The following CASKIN2 variants were observed in gnomAD, a reference collection of about 807,000 sequenced individuals.
The protein encoded by CASKIN2 is caskin-2.
In CASKIN2, 41 loss-of-function variants were observed where a neutral mutation model predicts 107.1. The ratio of observed to expected loss-of-function variants is 0.38; its 90% CI spans 0.30 to 0.50. CASKIN2 has a LOEUF of 0.50. Ranked by LOEUF, CASKIN2 falls within the 20% of genes least tolerant of loss-of-function variation. The pLI is 0.92. For synonymous variants in CASKIN2, 724 were observed against 705.6 expected (o/e 1.03, Z -0.41); for missense variants, 1,546 against 1,657.4 (o/e 0.93, Z 1.17).
intron 2 of CASKIN2, among the ~76,000 whole-genome samples, chr17:75,509,141 G>A (rs1263355858): frequency 1.3e-5 from 2 of 152,254 alleles, no homozygotes; most frequent in Non-Finnish European, 2.9e-5. Context: ...GTGGCAAGAG[G>A]AGCTGGGGCC....
At chr17:75,507,807 C>G (rs560578627) in intron 3 of CASKIN2, 126 bp from the exon 4 acceptor site, 2 of 704,708 alleles carry the variant, frequency 2.8e-6, no homozygotes, top group Admixed American at 2.3e-5. Flanking sequence ...CCAACCCCAG[C>G]AGCCCTGCCG....
intron 19 of CASKIN2, 99 bp downstream of exon 19, chr17:75,501,369 C>G: frequency 1.5e-6 from 2 of 1,375,928 alleles, no homozygotes; most frequent in Non-Finnish European, 2.0e-6. Flanking sequence ...TTAGTGCCTG[C>G]AATGTCCCCC....
chr17:75,506,948 GCCCTGCGCCACGC>G lies in CASKIN2; in HGVS notation c.390+23_390+35del. Reference sequence around the variant, plus strand: ...CCTGGCCTGTCCGGCACCCCACCCTGCCCTGCGCCACGCCCCTGTGGGCAGCCTCACGTACCAC... The same window carrying G: ...CCTGGCCTGTCCGGCACCCCACCCTGCCCTGTGGGCAGCCTCACGTACCAC... On this transcript the variant is annotated intron_variant, in intron 5 of 19. Transcript: ENST00000321617. The surrounding 1 kb of genome is among the most constrained non-coding windows in gnomAD (Gnocchi z 4.8). 6.2e-7 allele frequency: 1 copy of G among 1,612,560 alleles called. No individual in the cohort carries two copies. Among genetic ancestry groups the G allele is most frequent in the Non-Finnish European group, 8.5e-7 (1 of 1,179,292 alleles).
Position 75,506,341 on chromosome 17 carries a change from C to A in CASKIN2, c.690G>T (p.Leu230=). Residue 230 remains leucine (L), a synonymous_variant, in exon 8 of 20, where the codon CTG becomes CTT. Transcript: ENST00000321617. The surrounding 1 kb of genome is among the most constrained non-coding windows in gnomAD (Gnocchi z 4.8). ...GCCGCACCACCTCGGTCTTGCCATA[C>A]AGTGCGGCCTCGTGGAGCGCCGTAC... is the stretch of plus-strand genomic sequence containing the variant. ...KTGTALHEAA[L]YGKTEVVRLL... is the part of the protein sequence containing the mutation. 6.2e-7 allele frequency: 1 copy of A among 1,612,202 alleles called. No homozygotes were observed. The highest frequency in any genetic ancestry group is 1.3e-5 in the African/African-American group (1 of 75,028).
rs912021862 is a variant in CASKIN2, at chr17:75,514,077, G to A, written c.-273C>T. 1.4e-5 allele frequency: 8 copies of A among 577,520 alleles called. No individual in the cohort carries two copies. The highest frequency in any genetic ancestry group is 2.5e-5 in the Non-Finnish European group (8 of 324,532). 35.8% of individuals were successfully genotyped at this position (577,520 alleles called of 1,614,324 possible). A position where few individuals can be genotyped will look rare whatever the true frequency, so the allele number is the denominator to read the frequency against. ...GGATGGATATCAGCTTGTGGCTTCC[G>A]ACAGCTCCAGGATGGGCTGGGACTG... On this transcript the variant is annotated 5_prime_UTR_variant, in exon 2 of 20. Coordinates refer to ENST00000321617, the MANE Select transcript of CASKIN2 (RefSeq NM_020753.5).
intron 2 of CASKIN2, 130 bp downstream of exon 2, chr17:75,513,581 A>C (rs2053332045): frequency 1.3e-6 from 1 of 765,520 alleles, no homozygotes. Context: ...ACACAGAGGC[A>C]CTTCTTACTG....
intron 2 of CASKIN2, among the ~76,000 whole-genome samples, chr17:75,510,329 G>A (rs925575061): frequency 2.6e-4 from 39 of 152,202 alleles, no homozygotes; most frequent in African/African-American, 8.2e-4. Flanking sequence ...GCAGGAGGCT[G>A]AGGGAGCATC....
chr17:75,508,523 C>T (rs1673613590), intron 2 of CASKIN2, among the ~76,000 whole-genome samples: 1 of 152,206 alleles, frequency 6.6e-6, no homozygotes, highest in South Asian at 2.1e-4. Context: ...GCCCCAGTCC[C>T]GCTTGTTTAT....
In CASKIN2 at chr17:75,500,782, G is replaced by A; in HGVS notation, c.*298C>T. ...GCCCCACCCCTACTTCCTCCCTGAG[G>A]AGAGAGCTCTTACCAGGGTCCCTGT... On this transcript the variant is annotated 3_prime_UTR_variant, in exon 20 of 20. Coordinates refer to ENST00000321617, the MANE Select transcript of CASKIN2 (RefSeq NM_020753.5). 1 of 372,744 alleles carries A rather than the reference G, an allele frequency of 2.7e-6. No individual in the cohort carries two copies. The highest frequency in any genetic ancestry group is 2.1e-5 in the African/African-American group (1 of 46,660). The allele number at this position is 372,744 out of a possible 1,614,324, so 23.1% of individuals were successfully genotyped here.
In CASKIN2 at chr17:75,505,771, A is replaced by G; in HGVS notation, c.835+50T>C. The G allele has an allele frequency of 6.3e-7, 1 of 1,575,660 alleles. No homozygotes were observed. Among genetic ancestry groups the G allele is most frequent in the Non-Finnish European group, 8.7e-7 (1 of 1,151,806 alleles). ...CACTCCCCCTCCACATCCTGGTACCACTTGAGCGGCCCCAGGCCCCCTGGG... is the reference window on the plus strand; with the variant it reads ...CACTCCCCCTCCACATCCTGGTACCGCTTGAGCGGCCCCAGGCCCCCTGGG... On this transcript the variant is annotated intron_variant, in intron 9 of 19. Transcript: ENST00000321617. This position sits in a 1 kb window ranked among gnomAD's most constrained non-coding sequence, Gnocchi z 5.1.
rs2053245991 is a variant in CASKIN2, at chr17:75,504,749, C to G, written c.1193-56G>C. 7.6e-6 allele frequency: 12 copies of G among 1,575,914 alleles called. No homozygotes were observed. The South Asian group carries it at 1.3e-4, about 17-fold the overall frequency. On this transcript the variant is annotated intron_variant, in intron 11 of 19. Transcript: ENST00000321617. ...TCCCAAGTGTCGCTCTGACAGCTGTCTGGCAGCTTGCCCAGGCCACACGCC... is the reference window on the plus strand; with the variant it reads ...TCCCAAGTGTCGCTCTGACAGCTGTGTGGCAGCTTGCCCAGGCCACACGCC...
At chr17:75,510,370 T>C (rs1471758725) in intron 2 of CASKIN2, among the ~76,000 whole-genome samples, 5 of 152,142 alleles carry the variant, frequency 3.3e-5, no homozygotes, top group Non-Finnish European at 1.5e-5. Flanking sequence ...TCTGGATAGC[T>C]ATAAAGCGCC....
In CASKIN2 at chr17:75,501,049, C is replaced by G. The variant is rs1489130050; in HGVS notation, c.*31G>C. The G allele has an allele frequency of 1.3e-6, 2 of 1,547,444 alleles. No homozygotes were observed. The highest frequency in any genetic ancestry group is 1.7e-6 in the Non-Finnish European group (2 of 1,143,896). On this transcript the variant is annotated 3_prime_UTR_variant, in exon 20 of 20. Transcript: ENST00000321617. The stretch of plus-strand genomic sequence containing the variant: ...GTGCTGGGGCAAAGGCAGTGGACTT[C>G]GGCAGGTCACAGTGGGCACTGCTGG...
Position 75,503,541 on chromosome 17 carries a change from G to A in CASKIN2, c.1681-14C>T, listed in dbSNP as rs375880377. ...CAGCAGGTCCGTCTGGAAGAGCACC[G>A]TCCTCAGAACAACTCCCAGCCAGCC... On this transcript the variant is annotated splice_polypyrimidine_tract_variant and intron_variant, in intron 16 of 19. Transcript: ENST00000321617. 1.0e-4 allele frequency: 162 copies of A among 1,605,898 alleles called. No homozygotes were observed. Among genetic ancestry groups the A allele is most frequent in the Admixed American group, 2.8e-4 (17 of 59,898 alleles).
In CASKIN2 at chr17:75,506,270, T is replaced by C. The variant is rs1174252507; in HGVS notation, c.726+35A>G. ...TCAGGGGCACAGGGCAGAGGCTCCATGGACACCTGCGAGGGAGCAGGGGCC... is the reference window on the plus strand; with the variant it reads ...TCAGGGGCACAGGGCAGAGGCTCCACGGACACCTGCGAGGGAGCAGGGGCC... On this transcript the variant is annotated intron_variant, in intron 8 of 19. Coordinates refer to ENST00000321617, the MANE Select transcript of CASKIN2 (RefSeq NM_020753.5). This position sits in a 1 kb window ranked among gnomAD's most constrained non-coding sequence, Gnocchi z 4.8. 18 of 1,557,358 alleles carry C rather than the reference T, an allele frequency of 1.2e-5. No homozygotes were observed. The highest frequency in any genetic ancestry group is 1.4e-5 in the Non-Finnish European group (16 of 1,134,100).
rs780849447 is a variant in CASKIN2, at chr17:75,502,812, A to G, written c.2262T>C (p.Tyr754=). ...GTGAGCCCTGGGGGTACATAAAAAC[A>G]TAGGGTGGGGGTCCTTGGCCAGGAA... ...SSLPGQGPPP[Y]VFMYPQGSPS... is the part of the protein sequence containing the mutation. Residue 754 remains tyrosine (Y), a synonymous_variant, in exon 18 of 20, where the codon TAT becomes TAC. Coordinates refer to ENST00000321617, the MANE Select transcript of CASKIN2 (RefSeq NM_020753.5). This position sits in a 1 kb window ranked among gnomAD's most constrained non-coding sequence, Gnocchi z 4.3. 1.0e-5 allele frequency: 16 copies of G among 1,569,046 alleles called. No individual in the cohort carries two copies. Among genetic ancestry groups the G allele is most frequent in the South Asian group, 4.7e-5 (4 of 85,460 alleles).
Position 75,501,708 on chromosome 17 carries a change from T to C in CASKIN2, c.3296-18A>G. ...GGCTGTTCCTGCAGAGACAAAAAGG[T>C]TGGCTTGGGACTTGGCTGGGTCAGA... On this transcript the variant is annotated intron_variant, in intron 18 of 19. Transcript: ENST00000321617. The C allele has an allele frequency of 6.5e-7, 1 of 1,544,460 alleles. No individual in the cohort carries two copies. The highest frequency in any genetic ancestry group is 1.2e-5 in the South Asian group (1 of 82,250).
rs1370106566 is a variant in CASKIN2 at position 75,503,916 on chromosome 17, C to T, written c.1514G>A (p.Gly505Asp). 6.2e-7 allele frequency: 1 copy of T among 1,612,716 alleles called. No homozygotes were observed. Among genetic ancestry groups the T allele is most frequent in the East Asian group, 2.2e-5 (1 of 44,882 alleles). ...GGCCTGCAGAAAGTGGGCAGTGTAG[C>T]CCTCCAGCTGGAACTCGCTTAGCCA... ...HNWLSEFQLEGYTAHFLQAGY... is the reference protein window; with the variant it reads ...HNWLSEFQLEDYTAHFLQAGY... The change falls in exon 15 of 20, where the codon GGC (glycine) becomes GAC (aspartate). Residue 505 changes from glycine to aspartate, a missense_variant. Gly to Asp is a moderately conservative substitution (Grantham distance 94). Around this residue, in one of 6 missense-constraint regions of CASKIN2, gnomAD observed 1,311 missense variants for 1,311.0 expected, o/e 1.00. Coordinates refer to ENST00000321617, the MANE Select transcript of CASKIN2 (RefSeq NM_020753.5).
At chr17:75,513,658 C>A in intron 2 of CASKIN2, 53 bp downstream of exon 2, 15 of 1,377,704 alleles carry the variant, frequency 1.1e-5, no homozygotes, top group Non-Finnish European at 1.6e-5. Flanking sequence ...CACCAAGCCT[C>A]TGTGAACTGA....
Sources: allele counts gnomAD v4.1 joint callset (sites outside exome capture counted in the v4.1 genomes callset), GRCh38; gene constraint gnomAD v4.1.1; regional missense constraint gnomAD v4.1.1; non-coding constraint Gnocchi (gnomAD v3.1); transcripts MANE v1.5; gene names NCBI Gene and HGNC (gene_info 2026-07-23, HGNC 2026-07-21).